Variants in PACRG observed in about 807,000 individuals in gnomAD.
The protein encoded by PACRG is parkin coregulated, also known as parkin coregulated gene protein.
PACRG carries 29 observed loss-of-function variants against 29.7 expected under a neutral mutation model. The observed-to-expected ratio is 0.98, with a 90% CI of 0.73 to 1.33. PACRG has a LOEUF of 1.33. Ranked by LOEUF, PACRG falls within the 40% of genes most tolerant of loss-of-function variation. The pLI is 0.00. For synonymous variants in PACRG, 116 were observed against 118.7 expected (o/e 0.98, Z 0.15); for missense variants, 279 against 316.2 (o/e 0.88, Z 0.89).
intron 4 of PACRG, among the ~76,000 whole-genome samples, chr6:163,136,657 A>C (rs761198221): frequency 2.6e-5 from 4 of 152,206 alleles, no homozygotes; most frequent in African/African-American, 7.2e-5. Context: ...TTCCTCTGTA[A>C]CATAATCTCT....
At chr6:163,152,131 A>C (rs1054240829) in intron 4 of PACRG, among the ~76,000 whole-genome samples, 3 of 152,232 alleles carry the variant, frequency 2.0e-5, no homozygotes, top group African/African-American at 7.2e-5. Flanking sequence ...AGGTTTTAGC[A>C]ATTGCCAATT....
chr6:162,942,057 T>G (rs949172096), intron 2 of PACRG, among the ~76,000 whole-genome samples: 2 of 152,218 alleles, frequency 1.3e-5, no homozygotes, highest in African/African-American at 2.4e-5. Flanking sequence ...GAGTAGAATC[T>G]AAGCCACCTT....
intron 1 of PACRG, among the ~76,000 whole-genome samples, chr6:162,754,423 G>A (rs1017552575): frequency 4.0e-5 from 6 of 151,862 alleles, no homozygotes; most frequent in South Asian, 2.1e-4. Context: ...TTGTCTCTTC[G>A]GTTTGTTATT....
In PACRG at chr6:163,074,863, G is replaced by A. The variant is rs143851584; in HGVS notation, c.463+12542G>A. Reference sequence around the variant, plus strand: ...TTAATTAGCCAGATGTGGTGATGCCGCCTGTAGTCCCAGCTACTGGAGTGG... The same window carrying A: ...TTAATTAGCCAGATGTGGTGATGCCACCTGTAGTCCCAGCTACTGGAGTGG... On this transcript the variant is annotated intron_variant, in intron 3 of 4. Coordinates refer to ENST00000366888, the MANE Select transcript of PACRG (RefSeq NM_001080379.2). Among the ~76,000 whole-genome samples, 340 of 152,156 alleles carry A rather than the reference G, an allele frequency of 2.2e-3. 3 individuals carry two copies. The highest frequency in any genetic ancestry group is 7.7e-3 in the African/African-American group (318 of 41,518).
intron 1 of PACRG, among the ~76,000 whole-genome samples, chr6:162,753,009 G>A (rs1284852581): frequency 6.6e-6 from 1 of 151,488 alleles, no homozygotes; most frequent in Non-Finnish European, 1.5e-5. Flanking sequence ...ATCATTTTGG[G>A]GGCACAATGT....
At chr6:163,132,152 A>T (rs992872146) in intron 4 of PACRG, among the ~76,000 whole-genome samples, 5 of 152,212 alleles carry the variant, frequency 3.3e-5, no homozygotes, top group Non-Finnish European at 7.3e-5. Context: ...TGAAAATAAG[A>T]TTTATTTTAT....
At chr6:163,289,831 T>C (rs960065217) in intron 4 of PACRG, among the ~76,000 whole-genome samples, 73 of 151,926 alleles carry the variant, frequency 4.8e-4, no homozygotes, top group African/African-American at 1.5e-3. Context: ...CTTCTGTTTT[T>C]TTTTTCTTTT....
At chr6:162,929,072 A>G (rs1797661230) in intron 2 of PACRG, among the ~76,000 whole-genome samples, 1 of 152,090 alleles carries the variant, frequency 6.6e-6, no homozygotes, top group Non-Finnish European at 1.5e-5. Flanking sequence ...GTGCTCCAAT[A>G]AACATGACAA....
intron 2 of PACRG, among the ~76,000 whole-genome samples, chr6:163,021,235 C>T (rs1234259839): frequency 6.6e-6 from 1 of 152,194 alleles, no homozygotes; most frequent in African/African-American, 2.4e-5. Flanking sequence ...CAATCATAAC[C>T]TCGCAGCTCC....
At chr6:163,019,993 C>G (rs1206206822) in intron 2 of PACRG, among the ~76,000 whole-genome samples, 1 of 152,188 alleles carries the variant, frequency 6.6e-6, no homozygotes, top group African/African-American at 2.4e-5. Context: ...CAGTCATTTC[C>G]CATGTCTTTG....
rs990171931 is a variant in PACRG at position 162,965,983 on chromosome 6, A to G, written c.292-96167A>G. ...CTGAGAGGAATATCGTGCAGCTCCG[A>G]TACACCAATGTGGATGGTTTCAGGA... On this transcript the variant is annotated intron_variant, in intron 2 of 4. Transcript: ENST00000366888. Among the ~76,000 whole-genome samples, 8 of 152,226 alleles carry G rather than the reference A, an allele frequency of 5.3e-5. 1 individual carries two copies. The highest frequency in any genetic ancestry group is 5.2e-4 in the Admixed American group (8 of 15,288).
chr6:163,193,923 C>A (rs1780332635), intron 4 of PACRG, among the ~76,000 whole-genome samples: 1 of 136,690 alleles, frequency 7.3e-6, no homozygotes. Context: ...GATGGAGTCT[C>A]ATTCTGTCAC....
intron 4 of PACRG, among the ~76,000 whole-genome samples, chr6:163,237,217 A>G (rs959852080): frequency 6.6e-6 from 1 of 151,996 alleles, no homozygotes; most frequent in Non-Finnish European, 1.5e-5. Flanking sequence ...TTGATTGGCT[A>G]GTTGGTGGGT....
chr6:162,780,412 T>C (rs757527138), intron 1 of PACRG, among the ~76,000 whole-genome samples: 145 of 152,300 alleles, frequency 9.5e-4, no homozygotes, highest in Non-Finnish European at 1.2e-3. Flanking sequence ...CAAAAATATT[T>C]ATAGCTATAA....
At chr6:163,135,346 G>C (rs1355626937) in intron 4 of PACRG, among the ~76,000 whole-genome samples, 1 of 151,994 alleles carries the variant, frequency 6.6e-6, no homozygotes. Context: ...ACGCCACCAT[G>C]CCTGGCTAAT....
At chr6:163,047,692 A>G (rs1809539979) in intron 2 of PACRG, among the ~76,000 whole-genome samples, 1 of 152,206 alleles carries the variant, frequency 6.6e-6, no homozygotes, top group Non-Finnish European at 1.5e-5. Flanking sequence ...GTTACTCAGT[A>G]ATTAATATCT....
chr6:163,196,520 A>G (rs1050029932), intron 4 of PACRG, among the ~76,000 whole-genome samples: 7 of 152,246 alleles, frequency 4.6e-5, no homozygotes, highest in African/African-American at 1.4e-4. Flanking sequence ...ACATTAGGCA[A>G]CACAGTGTAA....
At chr6:162,875,321 TCACACACAGACATG>T (rs1160228266) in intron 2 of PACRG, among the ~76,000 whole-genome samples, 2 of 149,854 alleles carry the variant, frequency 1.3e-5, no homozygotes, top group African/African-American at 2.5e-5. Context: ...GCACAGACAT[TCACACACAGACATG>T]CACACACAGT....
chr6:163,177,798 C>A (rs1779455642), intron 4 of PACRG, among the ~76,000 whole-genome samples: 1 of 129,378 alleles, frequency 7.7e-6, no homozygotes, highest in South Asian at 2.5e-4. Flanking sequence ...GTGCCCTAGG[C>A]CTGTGCAGGT....
Sources: allele counts gnomAD v4.1 joint callset (sites outside exome capture counted in the v4.1 genomes callset), GRCh38; gene constraint gnomAD v4.1.1; transcripts MANE v1.5; gene names NCBI Gene and HGNC (gene_info 2026-07-23, HGNC 2026-07-21).